The following DLC1 variants were observed in gnomAD, a reference collection of about 807,000 sequenced individuals.
DLC1 encodes rho GTPase-activating protein 7.
Under a neutral mutation model 140.3 loss-of-function variants are expected in DLC1, and 54 were observed. That is an observed-to-expected ratio of 0.38 (90% CI 0.31 to 0.48). DLC1 has a LOEUF of 0.48. Among genes scored for constraint, DLC1 ranks in the 20% least tolerant of loss-of-function variants. DLC1 has a pLI of 0.96. For synonymous variants in DLC1, 986 were observed against 728.1 expected (o/e 1.35, Z -5.70); for missense variants, 2,536 against 1,907.0 (o/e 1.33, Z -6.14).
chr8:13,587,943 A>G (rs1441701552), intron 1 of DLC1, among the ~76,000 whole-genome samples: 1 of 152,072 alleles, frequency 6.6e-6, no homozygotes, highest in African/African-American at 2.4e-5. Context: ...AATTATGTTA[A>G]ACATTTAAAA....
chr8:13,567,178 A>G (rs936664250), intron 1 of DLC1: 1 of 1,551,832 alleles, frequency 6.4e-7, no homozygotes, highest in African/African-American at 1.4e-5. Flanking sequence ...GCAGACTCCA[A>G]GCTTGGAACA....
At chr8:13,102,196 C>T (rs1202071436) in intron 8 of DLC1, among the ~76,000 whole-genome samples, 1 of 152,172 alleles carries the variant, frequency 6.6e-6, no homozygotes, top group East Asian at 1.9e-4. Flanking sequence ...ACTACACCCA[C>T]CTCTTCTCCT....
intron 9 of DLC1, among the ~76,000 whole-genome samples, chr8:13,098,873 C>T (rs1417434176): frequency 2.0e-5 from 3 of 152,156 alleles, no homozygotes; most frequent in South Asian, 2.1e-4. Flanking sequence ...ACCTCGGCCT[C>T]CCAAAGTATT....
At chr8:13,588,296 C>T (rs1054897038) in intron 1 of DLC1, among the ~76,000 whole-genome samples, 4 of 152,074 alleles carry the variant, frequency 2.6e-5, no homozygotes, top group African/African-American at 9.7e-5. Context: ...TATTAGCCTA[C>T]TGGGTGGATT....
intron 2 of DLC1, among the ~76,000 whole-genome samples, chr8:13,494,369 C>T (rs1038268082): frequency 2.0e-5 from 3 of 152,126 alleles, no homozygotes; most frequent in African/African-American, 4.8e-5. Context: ...TAGATATGCC[C>T]ATGCAACTAA....
At chr8:13,408,609 A>G (rs1837664232) in intron 2 of DLC1, among the ~76,000 whole-genome samples, 1 of 152,138 alleles carries the variant, frequency 6.6e-6, no homozygotes, top group Admixed American at 6.6e-5. Flanking sequence ...GGGGACTGGG[A>G]TATAATTTCT....
chr8:13,110,860 C>T (rs752493873), intron 6 of DLC1, 37 bp from the exon 7 acceptor site: 24 of 1,604,714 alleles, frequency 1.5e-5, no homozygotes, highest in Admixed American at 5.0e-5. Context: ...TGTTGAGCGC[C>T]TAAAACCCAA....
intron 5 of DLC1, among the ~76,000 whole-genome samples, chr8:13,274,155 G>C (rs1586052000): frequency 6.6e-6 from 1 of 152,232 alleles, no homozygotes; most frequent in South Asian, 2.1e-4. Context: ...TTCATGTTTG[G>C]TGAGTGGAAG....
intron 2 of DLC1, among the ~76,000 whole-genome samples, chr8:13,441,446 A>G (rs1443643863): frequency 1.3e-5 from 2 of 152,256 alleles, no homozygotes; most frequent in African/African-American, 4.8e-5. Context: ...ACATGATTGT[A>G]TATCTAGAAA....
chr8:13,465,642 G>A (rs928560330), intron 2 of DLC1, among the ~76,000 whole-genome samples: 3 of 151,700 alleles, frequency 2.0e-5, no homozygotes, highest in South Asian at 2.1e-4. Flanking sequence ...ACTATTCTTT[G>A]TTTCTAAATG....
chr8:13,260,921 G>T (rs545891907), intron 5 of DLC1, among the ~76,000 whole-genome samples: 24 of 152,292 alleles, frequency 1.6e-4, no homozygotes, highest in African/African-American at 5.8e-4. Context: ...AGGTGTGCTT[G>T]CATAATTTAC....
At chr8:13,306,911 C>T (rs1219210435) in intron 4 of DLC1, among the ~76,000 whole-genome samples, 2 of 151,564 alleles carry the variant, frequency 1.3e-5, no homozygotes, top group Admixed American at 6.6e-5. Context: ...TGGTGAAACC[C>T]CGCCTCTACT....
chr8:13,326,605 G>C (rs1164791664), intron 4 of DLC1, among the ~76,000 whole-genome samples: 3 of 152,074 alleles, frequency 2.0e-5, no homozygotes, highest in Non-Finnish European at 4.4e-5. Flanking sequence ...TGACAAATCA[G>C]GTATGTCTAA....
intron 1 of DLC1, among the ~76,000 whole-genome samples, chr8:13,583,283 T>C (rs980615735): frequency 1.3e-5 from 2 of 152,346 alleles, no homozygotes; most frequent in African/African-American, 4.8e-5. Flanking sequence ...CAACTAAGTT[T>C]ATGGAATATT....
chr8:13,192,152 T>A (rs151231637), intron 5 of DLC1, among the ~76,000 whole-genome samples: 1,914 of 152,006 alleles, frequency 0.013, 50 homozygotes, highest in African/African-American at 0.043. Flanking sequence ...GGTTTTACCA[T>A]GTTGGCCAGG....
intron 5 of DLC1, among the ~76,000 whole-genome samples, chr8:13,185,576 G>A (rs1826323760): frequency 6.6e-6 from 1 of 152,086 alleles, no homozygotes; most frequent in African/African-American, 2.4e-5. Context: ...CAAAGTGCTG[G>A]GGTTACAGGT....
chr8:13,450,112 T>C (rs890797070), intron 2 of DLC1, among the ~76,000 whole-genome samples: 2 of 152,014 alleles, frequency 1.3e-5, no homozygotes, highest in Non-Finnish European at 2.9e-5. Context: ...AATAAATCAT[T>C]ATTTAGTAAA....
In DLC1 at chr8:13,499,578, C is replaced by G. The variant is rs1385530515; in HGVS notation, c.494G>C (p.Gly165Ala). ...TGCTAATTCAGTTTCACCAGCTATT[C>G]CCCAGGAGTTAGAAGAAACTTGGTT... ...QSNQVSSNSW[G>A]IAGETELALV... Residue 165 changes from glycine (G) to alanine (A), a missense_variant, in exon 2 of 18, where the codon GGA (glycine) becomes GCA (alanine). Gly to Ala is a moderately conservative substitution (Grantham distance 60). Transcript: ENST00000276297. The G allele has an allele frequency of 6.2e-7, 1 of 1,614,144 alleles. No individual in the cohort carries two copies. The highest frequency in any genetic ancestry group is 8.5e-7 in the Non-Finnish European group (1 of 1,180,000).
At chr8:13,222,902 C>G (rs1828624252) in intron 5 of DLC1, among the ~76,000 whole-genome samples, 1 of 152,038 alleles carries the variant, frequency 6.6e-6, no homozygotes, top group South Asian at 2.1e-4. Flanking sequence ...CACCACTATA[C>G]CCAGCTAGTA....
Sources: allele counts gnomAD v4.1 joint callset (sites outside exome capture counted in the v4.1 genomes callset), GRCh38; gene constraint gnomAD v4.1.1; transcripts MANE v1.5; gene names NCBI Gene and HGNC (gene_info 2026-07-23, HGNC 2026-07-21).